STIM1: variants seen among roughly 807,000 people sequenced by gnomAD.
STIM1 encodes the protein stromal interaction molecule 1.
Under a neutral mutation model 74.7 loss-of-function variants are expected in STIM1, and 25 were observed. The observed-to-expected ratio is 0.33, with a 90% CI of 0.24 to 0.47. STIM1 has a LOEUF of 0.47. Among genes scored for constraint, STIM1 ranks in the 20% least tolerant of loss-of-function variants. STIM1 has a pLI of 1.00. For synonymous variants in STIM1, 328 were observed against 348.8 expected, an observed-to-expected ratio of 0.94 and a Z score of 0.66; for missense variants, 728 against 920.8, an observed-to-expected ratio of 0.79 and a Z score of 2.71.
intron 7 of STIM1, among the ~76,000 whole-genome samples, chr11:4,080,727 A>G (rs991092764): frequency 7.9e-5 from 12 of 152,078 alleles, no homozygotes; most frequent in Non-Finnish European, 1.8e-4. Context: ...TGGCCTTCCA[A>G]ACTACTGGGA....
At chr11:3,870,673 T>G (rs2091048501) in intron 1 of STIM1, among the ~76,000 whole-genome samples, 1 of 151,862 alleles carries the variant, frequency 6.6e-6, no homozygotes, top group Non-Finnish European at 1.5e-5. Context: ...GTTTTTATAT[T>G]TTTTGTAGAG....
intron 5 of STIM1, among the ~76,000 whole-genome samples, chr11:4,063,154 T>C (rs553968592): frequency 4.5e-4 from 69 of 152,312 alleles, no homozygotes; most frequent in Non-Finnish European, 7.1e-4. Context: ...AGATATGGCA[T>C]TTCTTTTTGG....
chr11:4,023,981 T>A lies in STIM1; in HGVS notation c.379T>A (p.Ser127Thr). The change falls in exon 3 of 13, where the codon TCA becomes ACA. Residue 127 changes from serine to threonine, a missense_variant. By Grantham distance (58) the Ser-to-Thr change is moderately conservative. This residue lies in a region of STIM1 where 132 missense variants were observed against 158.2 expected (regional missense o/e 0.83). Transcript: ENST00000526596. ...GGACCTGTGGAAGGCATGGAAGTCA[T>A]CAGAAGGTAATAGGCAGCCTGGTCA... The part of the protein sequence containing the change: ...VEDLWKAWKS[S>T]EVYNWTVDEV... 6.2e-7 allele frequency: 1 copy of A among 1,613,634 alleles called. No homozygotes were observed. Among genetic ancestry groups the A allele is most frequent in the Non-Finnish European group, 8.5e-7 (1 of 1,179,678 alleles).
At chr11:4,087,229 C>T (rs974049809) in intron 12 of STIM1, among the ~76,000 whole-genome samples, 2 of 152,152 alleles carry the variant, frequency 1.3e-5, no homozygotes, top group Non-Finnish European at 2.9e-5. Flanking sequence ...TAGGGGTTCA[C>T]TGGTGATAAG....
At chr11:4,055,443 G>A (rs1052103314) in intron 3 of STIM1, 83 bp from the exon 4 acceptor site, 34 of 1,030,976 alleles carry the variant, frequency 3.3e-5, no homozygotes, top group Non-Finnish European at 4.7e-5. Context: ...CACAAATGTG[G>A]TAAATATTAA....
At chr11:4,005,193 G>T (rs2093765037) in intron 2 of STIM1, among the ~76,000 whole-genome samples, 1 of 152,158 alleles carries the variant, frequency 6.6e-6, no homozygotes, top group Admixed American at 6.6e-5. Flanking sequence ...CAGGGATCTA[G>T]AACTAGAAAT....
intron 1 of STIM1, among the ~76,000 whole-genome samples, chr11:3,859,495 A>G (rs2090515738): frequency 1.3e-5 from 2 of 152,346 alleles, no homozygotes; most frequent in Middle Eastern, 3.4e-3. Flanking sequence ...GAGGGACCTC[A>G]GGTGGAGTCT....
intron 1 of STIM1, among the ~76,000 whole-genome samples, chr11:3,955,675 AAAT>A (rs1277398724): frequency 6.6e-6 from 1 of 152,064 alleles, no homozygotes; most frequent in Non-Finnish European, 1.5e-5. Context: ...ATTAAAGAAA[AAAT>A]AAAACCCCAA....
intron 1 of STIM1, among the ~76,000 whole-genome samples, chr11:3,870,005 T>A (rs973091780): frequency 2.0e-5 from 3 of 152,118 alleles, no homozygotes; most frequent in Non-Finnish European, 4.4e-5. Context: ...TATATGGCAG[T>A]CAGAAGGAGG....
intron 5 of STIM1, among the ~76,000 whole-genome samples, chr11:4,068,781 T>A (rs2094384872): frequency 6.6e-6 from 1 of 152,220 alleles, no homozygotes; most frequent in Non-Finnish European, 1.5e-5. Context: ...CTGCTCAGCC[T>A]TTCTGTGAGG....
At chr11:3,885,183 AT>A (rs139230723) in intron 1 of STIM1, among the ~76,000 whole-genome samples, 54,153 of 147,196 alleles carry the variant, frequency 0.37, 10,156 homozygotes, top group South Asian at 0.47. Flanking sequence ...AACATAGATA[AT>A]TTTTTTTTTT....
At chr11:4,072,401 G>A (rs768699396) in intron 6 of STIM1, among the ~76,000 whole-genome samples, 13 of 152,178 alleles carry the variant, frequency 8.5e-5, no homozygotes, top group Admixed American at 1.3e-4. Context: ...GTCCAGTTAG[G>A]ATTTCATTGA....
chr11:3,993,673 A>AGGCAGTG (rs2093635398), intron 2 of STIM1, among the ~76,000 whole-genome samples: 1 of 152,028 alleles, frequency 6.6e-6, no homozygotes, highest in African/African-American at 2.4e-5. Flanking sequence ...CAAAAAACGA[A>AGGCAGTG]ACAAAAACCC....
chr11:3,892,925 G>C (rs2091942598), intron 1 of STIM1: 3 of 1,202,096 alleles, frequency 2.5e-6, no homozygotes, highest in Non-Finnish European at 3.7e-6. Context: ...AGCAGCATCT[G>C]CAAAGACTTT....
At chr11:4,043,723 AAGATTGG>A (rs1353227145) in intron 3 of STIM1, among the ~76,000 whole-genome samples, 8 of 152,176 alleles carry the variant, frequency 5.3e-5, no homozygotes, top group African/African-American at 1.9e-4. Flanking sequence ...TGTCATTAAA[AAGATTGG>A]AGATGGCTGG....
Position 3,916,499 on chromosome 11 carries a change from G to A in STIM1, c.140-51053G>A, listed in dbSNP as rs1466204368. 6.5e-4 allele frequency among the ~76,000 whole-genome samples: 99 copies of A among 151,284 alleles called. 1 individual carries two copies. Among genetic ancestry groups the A allele is most frequent in the Admixed American group, 4.6e-4 (7 of 15,178 alleles). The stretch of plus-strand genomic sequence containing the variant: ...AAGTCTCACTCTTGTCCCCCAGGGT[G>A]GAGTGTAAATGGGGTGATCTCGGCT... On this transcript the variant is annotated intron_variant, in intron 1 of 12. Transcript: ENST00000526596.
intron 1 of STIM1, among the ~76,000 whole-genome samples, chr11:3,924,360 G>A (rs1414225684): frequency 5.3e-5 from 8 of 151,774 alleles, no homozygotes; most frequent in Admixed American, 2.0e-4. Flanking sequence ...CACCACGCCC[G>A]GCTAATTTTT....
intron 3 of STIM1, among the ~76,000 whole-genome samples, chr11:4,029,200 T>A (rs1300582832): frequency 6.6e-6 from 1 of 151,646 alleles, no homozygotes; most frequent in Non-Finnish European, 1.5e-5. Context: ...AAAAAATAAA[T>A]AAATAAATAA....
intron 2 of STIM1, chr11:3,973,116 G>T: frequency 2.4e-6 from 1 of 417,836 alleles, no homozygotes. Flanking sequence ...GCTTCCTTCA[G>T]CGTAACCAGG....
Sources: gnomAD v4.1 joint callset for allele counts (sites outside exome capture counted in the v4.1 genomes callset) on GRCh38, gnomAD v4.1.1 for gene constraint, gnomAD v4.1.1 regional missense constraint, MANE v1.5 for transcripts, NCBI Gene and HGNC (gene_info 2026-07-23, HGNC 2026-07-21) for gene names.